ABI1: variants seen among roughly 807,000 people sequenced by gnomAD.
The protein encoded by ABI1 is abl interactor 1.
A neutral mutation model predicts 54.6 loss-of-function variants in ABI1; 14 were observed. The ratio of observed to expected loss-of-function variants is 0.26; its 90% CI spans 0.17 to 0.40. The LOEUF (loss-of-function observed/expected upper bound fraction) is 0.40. Ranked by LOEUF, ABI1 falls within the 10% of genes least tolerant of loss-of-function variation. The probability of loss-of-function intolerance (pLI) is 1.00; values close to 1 mark genes in which losing one functional copy is unlikely to be tolerated. For missense variants in ABI1, 443 were observed against 598.3 expected, an observed-to-expected ratio of 0.74 and a Z score of 2.71; for synonymous variants, 194 against 209.3, an observed-to-expected ratio of 0.93 and a Z score of 0.63.
At chr10:26,833,548 T>C (rs1030394309) in intron 1 of ABI1, among the ~76,000 whole-genome samples, 1 of 152,198 alleles carries the variant, frequency 6.6e-6, no homozygotes, top group Non-Finnish European at 1.5e-5. Flanking sequence ...ATCTGTTATA[T>C]ACTTAAGTAT....
chr10:26,761,006 G>T (rs1839077341), intron 7 of ABI1, among the ~76,000 whole-genome samples: 1 of 151,556 alleles, frequency 6.6e-6, no homozygotes, highest in South Asian at 2.1e-4. Context: ...GCAGTGGTGG[G>T]ATCACAGCTC....
intron 9 of ABI1, among the ~76,000 whole-genome samples, chr10:26,753,783 A>T (rs1380142248): frequency 6.6e-6 from 1 of 152,236 alleles, no homozygotes; most frequent in Non-Finnish European, 1.5e-5. Flanking sequence ...GAAACCAAAT[A>T]AAGTTAGGGA....
rs1187694525 is a variant in ABI1 at position 26,807,290 on chromosome 10, A to G, written c.285+15848T>C. ...GGAATTCGACACAGGTCTGGGCAAC[A>G]TGGTGAAACCCCATCTCTACAAAAA... is the stretch of plus-strand genomic sequence containing the variant. On this transcript the variant is annotated intron_variant, in intron 2 of 10. Transcript: ENST00000376140. 3.3e-5 allele frequency among the ~76,000 whole-genome samples: 5 copies of G among 152,148 alleles called. No individual in the cohort carries two copies. The East Asian group carries it at 7.7e-4, about 23-fold the overall frequency.
At chr10:26,796,965 C>A (rs924021381) in intron 2 of ABI1, among the ~76,000 whole-genome samples, 8 of 152,172 alleles carry the variant, frequency 5.3e-5, no homozygotes, top group African/African-American at 1.7e-4. Context: ...CACAGCTAAT[C>A]TGACAGGAGG....
chr10:26,793,309 G>A (rs946226571), intron 2 of ABI1, among the ~76,000 whole-genome samples: 5 of 152,292 alleles, frequency 3.3e-5, no homozygotes, highest in Admixed American at 3.3e-4. Flanking sequence ...TCTGGAAATG[G>A]CCTTATGCCC....
intron 1 of ABI1, among the ~76,000 whole-genome samples, chr10:26,841,969 T>C (rs1049508786): frequency 1.3e-5 from 2 of 152,118 alleles, no homozygotes; most frequent in African/African-American, 4.8e-5. Context: ...TGCTGGGTCA[T>C]ATAGTACTTC....
intron 7 of ABI1, among the ~76,000 whole-genome samples, chr10:26,762,359 T>A (rs1440379004): frequency 6.6e-6 from 1 of 152,068 alleles, no homozygotes; most frequent in African/African-American, 2.4e-5. Context: ...GAAACTCCCA[T>A]CCTCAAGAGT....
At chr10:26,858,523 C>T (rs1434290617) in intron 1 of ABI1, among the ~76,000 whole-genome samples, 5 of 137,144 alleles carry the variant, frequency 3.6e-5, no homozygotes, top group Non-Finnish European at 6.1e-5. Context: ...CCCCACCCCG[C>T]CCCCACAAAA....
intron 2 of ABI1, among the ~76,000 whole-genome samples, chr10:26,796,595 TTTCC>T (rs1414971073): frequency 6.6e-6 from 1 of 152,204 alleles, no homozygotes; most frequent in Non-Finnish European, 1.5e-5. Flanking sequence ...TCTCAGAACA[TTTCC>T]TTGTCATTAA....
At chr10:26,772,827 C>T (rs1840861665) in intron 3 of ABI1, among the ~76,000 whole-genome samples, 1 of 151,922 alleles carries the variant, frequency 6.6e-6, no homozygotes, top group East Asian at 1.9e-4. Flanking sequence ...ACTCCCAACA[C>T]TTTGGGAGGC....
chr10:26,789,655 T>A (rs769625917), intron 2 of ABI1, among the ~76,000 whole-genome samples: 15 of 152,196 alleles, frequency 9.9e-5, no homozygotes, highest in Non-Finnish European at 1.6e-4. Flanking sequence ...GGGGTACATA[T>A]GTAAGATGTG....
intron 8 of ABI1, among the ~76,000 whole-genome samples, chr10:26,758,256 T>C (rs1405799821): frequency 6.6e-6 from 1 of 152,054 alleles, no homozygotes; most frequent in Non-Finnish European, 1.5e-5. Context: ...ACAAAAGCCA[T>C]GTAGGAAAGC....
chr10:26,804,937 A>G (rs2046789083), intron 2 of ABI1, among the ~76,000 whole-genome samples: 1 of 152,228 alleles, frequency 6.6e-6, no homozygotes, highest in Non-Finnish European at 1.5e-5. Flanking sequence ...ACATATACCC[A>G]AAAATCAATG....
At chr10:26,829,662 C>T (rs751380639) in intron 1 of ABI1, among the ~76,000 whole-genome samples, 4 of 151,868 alleles carry the variant, frequency 2.6e-5, no homozygotes, top group African/African-American at 4.8e-5. Flanking sequence ...GTCAAAAGGA[C>T]TCAATGTAAG....
intron 2 of ABI1, among the ~76,000 whole-genome samples, chr10:26,784,914 T>C (rs1004091332): frequency 6.6e-6 from 1 of 152,180 alleles, no homozygotes; most frequent in Non-Finnish European, 1.5e-5. Context: ...ACTAGATTAA[T>C]GCCTTGGGCC....
At position 26,823,280 on chromosome 10, in the gene ABI1, T is replaced by G; in HGVS notation, c.143A>C (p.Glu48Ala). Residue 48 changes from glutamate (E) to alanine (A), a missense_variant, in exon 2 of 11, where the codon GAG (glutamate) becomes GCG (alanine). Glu to Ala is a moderately radical substitution (Grantham distance 107, BLOSUM62 -1). Coordinates refer to ENST00000376140, the MANE Select transcript of ABI1 (RefSeq NM_001012750.3). ...IQATDKRKAL[E>A]ETKAYTTQSL... ...TTGGGTTGTATAGGCTTTGGTCTCC[T>G]CTAAAGCTTTTCTCTTGTCTGTAGC... The G allele has an allele frequency of 6.4e-7, 1 of 1,550,494 alleles. No homozygotes were observed. Among genetic ancestry groups the G allele is most frequent in the Non-Finnish European group, 8.6e-7 (1 of 1,158,576 alleles).
intron 1 of ABI1, among the ~76,000 whole-genome samples, chr10:26,834,327 T>C (rs1221874960): frequency 6.6e-6 from 1 of 151,748 alleles, no homozygotes; most frequent in African/African-American, 2.4e-5. Flanking sequence ...CAAAGTCAAA[T>C]GGAATTACAT....
At chr10:26,774,547 CTTA>C (rs1841138006) in intron 3 of ABI1, among the ~76,000 whole-genome samples, 1 of 152,054 alleles carries the variant, frequency 6.6e-6, no homozygotes, top group African/African-American at 2.4e-5. Flanking sequence ...TTATACATAT[CTTA>C]TTATTATTCC....
At chr10:26,832,955 C>T (rs544638867) in intron 1 of ABI1, among the ~76,000 whole-genome samples, 7 of 152,290 alleles carry the variant, frequency 4.6e-5, no homozygotes, top group South Asian at 2.1e-4. Flanking sequence ...TCCAGCAGAA[C>T]GCCTATTCCA....
Sources: allele counts gnomAD v4.1 joint callset (sites outside exome capture counted in the v4.1 genomes callset), GRCh38; gene constraint gnomAD v4.1.1; transcripts MANE v1.5; gene names NCBI Gene and HGNC (gene_info 2026-07-23, HGNC 2026-07-21).